Variants in CLASP2 observed in about 807,000 individuals in gnomAD.
CLASP2 encodes the protein CLIP-associating protein 2.
A neutral mutation model predicts 194.4 loss-of-function variants in CLASP2; 47 were observed. That is an observed-to-expected ratio of 0.24 (90% CI 0.19 to 0.31). CLASP2 has a LOEUF of 0.31. CLASP2 is among the 10% of genes least tolerant of loss of function. The pLI is 1.00. For missense variants in CLASP2, 1,445 were observed against 1,823.6 expected, an observed-to-expected ratio of 0.79 and a Z score of 3.78; for synonymous variants, 619 against 633.5, an observed-to-expected ratio of 0.98 and a Z score of 0.34.
intron 6 of CLASP2, among the ~76,000 whole-genome samples, chr3:33,664,448 A>G (rs2085834274): frequency 6.6e-6 from 1 of 152,200 alleles, no homozygotes; most frequent in Admixed American, 6.5e-5. Flanking sequence ...TTCATTTCCT[A>G]AAACCTTACT....
chr3:33,587,124 T>C (rs1166977592), intron 21 of CLASP2, among the ~76,000 whole-genome samples: 1 of 151,964 alleles, frequency 6.6e-6, no homozygotes, highest in Non-Finnish European at 1.5e-5. Flanking sequence ...GTGATTCTTT[T>C]TTTTCTTTCT....
chr3:33,578,911 C>T (rs1169785807), intron 23 of CLASP2, among the ~76,000 whole-genome samples: 1 of 152,092 alleles, frequency 6.6e-6, no homozygotes, highest in Admixed American at 6.6e-5. Context: ...GCTTTAGGGC[C>T]CTCAGGCTAA....
intron 2 of CLASP2, among the ~76,000 whole-genome samples, chr3:33,691,775 T>A (rs1315575215): frequency 6.6e-6 from 1 of 152,218 alleles, no homozygotes; most frequent in East Asian, 1.9e-4. Flanking sequence ...CTTGCAACAG[T>A]CCTATGAAAC....
chr3:33,696,384 A>G (rs1211011412), intron 2 of CLASP2, among the ~76,000 whole-genome samples: 3 of 122,304 alleles, frequency 2.5e-5, no homozygotes, highest in Admixed American at 2.1e-4. Context: ...TTTTTGCCTC[A>G]AAGGTGATTT....
chr3:33,583,012 C>T (rs1315998032), intron 22 of CLASP2, among the ~76,000 whole-genome samples: 1 of 152,134 alleles, frequency 6.6e-6, no homozygotes, highest in South Asian at 2.1e-4. Context: ...CTCCTACACA[C>T]TATTTCTAAG....
chr3:33,655,647 T>C (rs2084032463), intron 7 of CLASP2, among the ~76,000 whole-genome samples: 1 of 152,170 alleles, frequency 6.6e-6, no homozygotes, highest in South Asian at 2.1e-4. Flanking sequence ...CTGATCCCAG[T>C]GTATCACAAA....
intron 6 of CLASP2, among the ~76,000 whole-genome samples, chr3:33,672,287 G>A (rs1398734335): frequency 5.9e-5 from 9 of 152,282 alleles, no homozygotes; most frequent in Non-Finnish European, 7.4e-5. Context: ...CGCGGTTCAC[G>A]AAAAACCACT....
At chr3:33,545,024 T>A in intron 30 of CLASP2, 183 bp from the exon 31 acceptor site, 2 of 190,008 alleles carry the variant, frequency 1.1e-5, no homozygotes, top group Non-Finnish European at 2.1e-5. Flanking sequence ...TTGACCTACC[T>A]TTTTTTTTTT....
intron 1 of CLASP2, among the ~76,000 whole-genome samples, chr3:33,715,019 G>A (rs1380785785): frequency 6.6e-6 from 1 of 152,086 alleles, no homozygotes; most frequent in Admixed American, 6.5e-5. Context: ...CCTCAACTTC[G>A]TCTTTCTTAA....
chr3:33,544,213 A>C (rs2058805818), intron 31 of CLASP2, among the ~76,000 whole-genome samples: 2 of 152,164 alleles, frequency 1.3e-5, no homozygotes, highest in Non-Finnish European at 2.9e-5. Context: ...TTTACTCAGA[A>C]CTTACTTCTT....
chr3:33,506,377 C>CAAAAAAAA lies in CLASP2; in HGVS notation c.4317+4180_4317+4181insTTTTTTTT, dbSNP rs2048189726. The stretch of plus-strand genomic sequence containing the variant: ...TGGGTGACAGAGTGAGACTCTGTCT[C>CAAAAAAAA]GAAAAAAAAAAAAAAAAAAAAAAAA... On this transcript the variant is annotated intron_variant, in intron 37 of 38. Transcript: ENST00000682230. 3.4e-4 allele frequency among the ~76,000 whole-genome samples: 21 copies of CAAAAAAAA among 61,890 alleles called. 5 individuals carry two copies. Among genetic ancestry groups the CAAAAAAAA allele is most frequent in the African/African-American group, 1.2e-3 (21 of 17,516 alleles). 40.6% of individuals were successfully genotyped at this position (61,890 alleles called of 152,430 possible).
chr3:33,539,215 T>C (rs1039167439), intron 32 of CLASP2, among the ~76,000 whole-genome samples: 9 of 152,232 alleles, frequency 5.9e-5, no homozygotes, highest in African/African-American at 1.9e-4. Flanking sequence ...TAACCAGAGG[T>C]CAACAAACTA....
At chr3:33,569,552 G>A (rs538223839) in intron 26 of CLASP2, among the ~76,000 whole-genome samples, 1 of 152,214 alleles carries the variant, frequency 6.6e-6, no homozygotes, top group Admixed American at 6.5e-5. Flanking sequence ...TTACATTAAA[G>A]TAAGACTAAC....
At chr3:33,525,831 C>G (rs1389709124) in intron 34 of CLASP2, among the ~76,000 whole-genome samples, 1 of 152,210 alleles carries the variant, frequency 6.6e-6, no homozygotes, top group Non-Finnish European at 1.5e-5. Context: ...GCCTGCAGCC[C>G]CACTTCCACA....
At chr3:33,604,814 C>A (rs1272015377) in intron 16 of CLASP2, among the ~76,000 whole-genome samples, 1 of 152,088 alleles carries the variant, frequency 6.6e-6, no homozygotes, top group East Asian at 1.9e-4. Flanking sequence ...ATGGTGACCA[C>A]CAAAGAGAAC....
intron 29 of CLASP2, among the ~76,000 whole-genome samples, chr3:33,552,102 T>C (rs2060101148): frequency 1.3e-5 from 2 of 150,754 alleles, no homozygotes; most frequent in African/African-American, 2.4e-5. Flanking sequence ...AAAAATGTTA[T>C]GTGTGGGTTT....
intron 10 of CLASP2, 129 bp from the exon 11 acceptor site, chr3:33,622,409 A>G (rs2077255783): frequency 1.8e-6 from 1 of 566,572 alleles, no homozygotes; most frequent in Non-Finnish European, 2.8e-6. Flanking sequence ...TTACATTACT[A>G]TATTCAGACA....
At chr3:33,536,479 A>T (rs2057365419) in intron 33 of CLASP2, among the ~76,000 whole-genome samples, 1 of 152,196 alleles carries the variant, frequency 6.6e-6, no homozygotes, top group Admixed American at 6.5e-5. Flanking sequence ...ACAGATCCTG[A>T]AGCAGGAACG....
chr3:33,575,389 T>C (rs6550225), intron 24 of CLASP2, among the ~76,000 whole-genome samples: 66,694 of 151,840 alleles, frequency 0.44, 14,938 homozygotes, highest in Admixed American at 0.53. Flanking sequence ...ATGGGATCTA[T>C]GATTTTAGGA....
Sources: allele counts gnomAD v4.1 joint callset (sites outside exome capture counted in the v4.1 genomes callset), GRCh38; gene constraint gnomAD v4.1.1; transcripts MANE v1.5; gene names NCBI Gene and HGNC (gene_info 2026-07-23, HGNC 2026-07-21).